WWOX: variants seen among roughly 807,000 people sequenced by gnomAD.
The protein encoded by WWOX is WW domain containing oxidoreductase.
A neutral mutation model predicts 46.2 loss-of-function variants in WWOX; 69 were observed. The ratio of observed to expected loss-of-function variants is 1.49; its 90% confidence interval spans 1.23 to 1.82. The LOEUF is 1.82. Among genes scored for constraint, WWOX ranks in the 40% most tolerant of loss-of-function variants. WWOX has a pLI of 0.00. For missense variants in WWOX, 919 were observed against 542.6 expected (o/e 1.69, Z -6.89); for synonymous variants, 359 against 202.6 (o/e 1.77, Z -6.56).
chr16:78,624,111 T>C (rs1426844066), intron 8 of WWOX, among the ~76,000 whole-genome samples: 1 of 152,232 alleles, frequency 6.6e-6, no homozygotes, highest in Non-Finnish European at 1.5e-5. Flanking sequence ...TCATATGATT[T>C]CCATTTGTTT....
At chr16:78,458,718 A>G (rs942425633) in intron 8 of WWOX, among the ~76,000 whole-genome samples, 1 of 152,224 alleles carries the variant, frequency 6.6e-6, no homozygotes, top group African/African-American at 2.4e-5. Flanking sequence ...ATTTAAAAAT[A>G]CATGTCTATA....
chr16:78,931,024 C>A (rs1004023617), intron 8 of WWOX, among the ~76,000 whole-genome samples: 1 of 152,160 alleles, frequency 6.6e-6, no homozygotes, highest in Non-Finnish European at 1.5e-5. Context: ...ATCTCCTACA[C>A]CTGATGTGAG....
intron 5 of WWOX, among the ~76,000 whole-genome samples, chr16:78,353,434 A>T (rs56365791): frequency 6.6e-6 from 1 of 151,974 alleles, no homozygotes; most frequent in Non-Finnish European, 1.5e-5. Context: ...CACCAAATCT[A>T]TCGATTAATA....
intron 8 of WWOX, among the ~76,000 whole-genome samples, chr16:78,911,687 T>A (rs2151256341): frequency 6.6e-6 from 1 of 151,918 alleles, no homozygotes; most frequent in African/African-American, 2.4e-5. Flanking sequence ...CCAACATGGT[T>A]AAACCCCATC....
intron 8 of WWOX, among the ~76,000 whole-genome samples, chr16:78,679,172 T>G (rs2047671758): frequency 6.6e-6 from 1 of 151,906 alleles, no homozygotes; most frequent in Admixed American, 6.6e-5. Flanking sequence ...GTGACCTGCT[T>G]TGTGAAAGGT....
chr16:78,717,191 T>C (rs2048584475), intron 8 of WWOX, among the ~76,000 whole-genome samples: 1 of 152,170 alleles, frequency 6.6e-6, no homozygotes, highest in African/African-American at 2.4e-5. Flanking sequence ...ACCTAGACTA[T>C]ACCAAGAGTA....
At chr16:78,253,058 A>G (rs1436241646) in intron 5 of WWOX, among the ~76,000 whole-genome samples, 1 of 152,138 alleles carries the variant, frequency 6.6e-6, no homozygotes, top group African/African-American at 2.4e-5. Context: ...GATCGGAACA[A>G]TTGTTCAAAT....
chr16:78,478,227 C>G (rs1824385330), intron 8 of WWOX, among the ~76,000 whole-genome samples: 1 of 152,126 alleles, frequency 6.6e-6, no homozygotes, highest in African/African-American at 2.4e-5. Flanking sequence ...TTAGTAAAGG[C>G]TGTTACAAAA....
intron 3 of WWOX, among the ~76,000 whole-genome samples, chr16:78,113,508 G>C (rs1249310070): frequency 6.6e-6 from 1 of 152,198 alleles, no homozygotes; most frequent in African/African-American, 2.4e-5. Context: ...CCAGCTCCTG[G>C]TCTAATCTAG....
At chr16:78,110,407 G>GTAATATA (rs1266057266) in intron 3 of WWOX, among the ~76,000 whole-genome samples, 1 of 149,358 alleles carries the variant, frequency 6.7e-6, no homozygotes, top group Non-Finnish European at 1.5e-5. Flanking sequence ...CTTTTTCCAT[G>GTAATATA]TAATATATTA....
At chr16:78,630,870 C>T (rs1185856518) in intron 8 of WWOX, among the ~76,000 whole-genome samples, 2 of 119,602 alleles carry the variant, frequency 1.7e-5, no homozygotes, top group African/African-American at 2.5e-5. Flanking sequence ...AGGCCATATG[C>T]AGTCAGCCCC....
At chr16:79,031,187 C>T (rs2047746267) in intron 8 of WWOX, among the ~76,000 whole-genome samples, 1 of 152,098 alleles carries the variant, frequency 6.6e-6, no homozygotes, top group Non-Finnish European at 1.5e-5. Flanking sequence ...GAAGCCTTCG[C>T]CCCCTTCTTG....
chr16:78,379,504 G>A (rs1464524199), intron 5 of WWOX, among the ~76,000 whole-genome samples: 1 of 152,186 alleles, frequency 6.6e-6, no homozygotes, highest in East Asian at 1.9e-4. Flanking sequence ...TAGTGATGAT[G>A]CTTCCAACAC....
chr16:79,025,958 C>T (rs532004952), intron 8 of WWOX, among the ~76,000 whole-genome samples: 14 of 151,690 alleles, frequency 9.2e-5, no homozygotes, highest in African/African-American at 2.7e-4. Context: ...ATCACCACGC[C>T]GAGCTAATGT....
intron 8 of WWOX, among the ~76,000 whole-genome samples, chr16:78,758,027 CT>C (rs1400720197): frequency 6.6e-6 from 1 of 152,086 alleles, no homozygotes; most frequent in Non-Finnish European, 1.5e-5. Context: ...TTCTGTCAAT[CT>C]TTCCCCACCT....
chr16:78,352,857 G>A (rs2081212108), intron 5 of WWOX, among the ~76,000 whole-genome samples: 1 of 152,106 alleles, frequency 6.6e-6, no homozygotes, highest in Non-Finnish European at 1.5e-5. Context: ...TGGATTGGCG[G>A]TTGATTGAAT....
rs148583173 is a variant in WWOX, at chr16:78,848,225, C to T, written c.1057-363383C>T. Among the ~76,000 whole-genome samples the T allele has an allele frequency of 2.0e-3, 300 of 152,290 alleles. 1 individual carries two copies. Among genetic ancestry groups the T allele is most frequent in the Non-Finnish European group, 3.0e-3 (206 of 68,010 alleles). On this transcript the variant is annotated intron_variant, in intron 8 of 8. Coordinates refer to ENST00000566780, the MANE Select transcript of WWOX (RefSeq NM_016373.4). ...TGAATTAGAGTTGACATACGGAAAACAAGTAAGAGTAACTTTGTACACCGT... is the reference window on the plus strand; with the variant it reads ...TGAATTAGAGTTGACATACGGAAAATAAGTAAGAGTAACTTTGTACACCGT...
chr16:78,930,032 A>C (rs555045017), intron 8 of WWOX, among the ~76,000 whole-genome samples: 4 of 152,206 alleles, frequency 2.6e-5, no homozygotes, highest in African/African-American at 9.6e-5. Context: ...GGGAAGTCCC[A>C]CATGGACTTC....
rs143830792 is a variant in WWOX, at chr16:78,350,805, G to A, written c.517-36055G>A. Among the ~76,000 whole-genome samples, 19 of 120,006 alleles carry A rather than the reference G, an allele frequency of 1.6e-4. 5 individuals carry two copies. The highest frequency in any genetic ancestry group is 5.4e-4 in the African/African-American group (19 of 35,392). 78.7% of individuals were successfully genotyped at this position (120,006 alleles called of 152,430 possible). On this transcript the variant is annotated intron_variant, in intron 5 of 8. Coordinates refer to ENST00000566780, the MANE Select transcript of WWOX (RefSeq NM_016373.4). ...TGGATATAGGTTTACCTTTTTTGGG[G>A]TATGCTCCTAAGAGTGCAATTTCTG... is the stretch of plus-strand genomic sequence containing the variant.
Sources: allele counts gnomAD v4.1 joint callset (sites outside exome capture counted in the v4.1 genomes callset), GRCh38; gene constraint gnomAD v4.1.1; transcripts MANE v1.5; gene names NCBI Gene and HGNC (gene_info 2026-07-23, HGNC 2026-07-21).